The following MAP3K1 variants were observed in gnomAD, a reference collection of about 807,000 sequenced individuals.
MAP3K1 encodes mitogen-activated protein kinase kinase kinase 1.
MAP3K1 carries 36 observed loss-of-function variants against 144.2 expected under a neutral mutation model. The observed-to-expected ratio is 0.25, with a 90% CI of 0.19 to 0.33. The LOEUF (loss-of-function observed/expected upper bound fraction) is 0.33. Ranked by LOEUF, MAP3K1 falls within the 10% of genes least tolerant of loss-of-function variation. MAP3K1 has a pLI of 1.00. For synonymous variants in MAP3K1, 718 were observed against 688.7 expected (o/e 1.04, Z -0.67); for missense variants, 1,650 against 1,881.9 (o/e 0.88, Z 2.28).
chr5:56,890,736 GA>G (rs1418379468), intron 19 of MAP3K1, among the ~76,000 whole-genome samples: 1 of 152,096 alleles, frequency 6.6e-6, no homozygotes, highest in Non-Finnish European at 1.5e-5. Flanking sequence ...ATTAATAAGT[GA>G]AAAGAGCAAG....
chr5:56,826,487 C>G (rs1746318515), intron 1 of MAP3K1, among the ~76,000 whole-genome samples: 1 of 108,024 alleles, frequency 9.3e-6, no homozygotes, highest in African/African-American at 2.7e-5. Context: ...GAGATGTGGT[C>G]TCAGGGAAAA....
At chr5:56,838,984 A>G (rs1746733367) in intron 1 of MAP3K1, among the ~76,000 whole-genome samples, 1 of 152,238 alleles carries the variant, frequency 6.6e-6, no homozygotes, top group East Asian at 1.9e-4. Flanking sequence ...TGAAGAGCAT[A>G]TGACATTGGT....
chr5:56,894,143 C>A lies in MAP3K1; in HGVS notation c.*463C>A. On this transcript the variant is annotated 3_prime_UTR_variant, in exon 20 of 20. Transcript: ENST00000399503. Reference sequence around the variant, plus strand: ...AAATCAGTATCTGCCTCTTTTAGGTCAGAGTATGCTATGAGTAGCAATACA... The same window carrying A: ...AAATCAGTATCTGCCTCTTTTAGGTAAGAGTATGCTATGAGTAGCAATACA... The A allele has an allele frequency of 3.2e-6, 1 of 307,740 alleles. No individual in the cohort carries two copies. Among genetic ancestry groups the A allele is most frequent in the Non-Finnish European group, 6.1e-6 (1 of 162,666 alleles). 19.1% of individuals were successfully genotyped at this position (307,740 alleles called of 1,614,324 possible).
intron 9 of MAP3K1, 80 bp from the exon 10 acceptor site, chr5:56,874,952 C>A (rs1747975349): frequency 2.1e-6 from 3 of 1,456,556 alleles, no homozygotes; most frequent in East Asian, 2.3e-5. Context: ...ACGTAGTAAT[C>A]AAAAATGATG....
chr5:56,845,094 T>A (rs575347617), intron 1 of MAP3K1, among the ~76,000 whole-genome samples: 63 of 152,350 alleles, frequency 4.1e-4, no homozygotes, highest in South Asian at 4.1e-4. Flanking sequence ...TTTTTTAAAA[T>A]AGAAGGTATT....
At chr5:56,820,343 C>T in intron 1 of MAP3K1, 2 of 765,326 alleles carry the variant, frequency 2.6e-6, no homozygotes, top group African/African-American at 1.9e-5. Flanking sequence ...CACTACTCTG[C>T]TTCTTCCATT....
intron 11 of MAP3K1, among the ~76,000 whole-genome samples, chr5:56,879,733 C>T (rs561531642): frequency 6.6e-6 from 1 of 152,148 alleles, no homozygotes; most frequent in African/African-American, 2.4e-5. Context: ...CTTTTATTTT[C>T]CCCTTCCATA....
intron 6 of MAP3K1, among the ~76,000 whole-genome samples, chr5:56,867,682 A>G (rs1366647373): frequency 2.0e-5 from 3 of 152,232 alleles, no homozygotes; most frequent in Admixed American, 1.3e-4. Flanking sequence ...GTAAAGCCGT[A>G]TAGCCTTTTG....
chr5:56,865,692 G>A (rs944689675), intron 5 of MAP3K1, 137 bp from the exon 6 acceptor site: 3 of 887,338 alleles, frequency 3.4e-6, no homozygotes, highest in African/African-American at 1.7e-5. Flanking sequence ...AAACTATAAT[G>A]TGTTCTTATT....
chr5:56,831,184 GTTT>G (rs5868030), intron 1 of MAP3K1, among the ~76,000 whole-genome samples: 288 of 136,320 alleles, frequency 2.1e-3, no homozygotes, highest in South Asian at 4.5e-3. Flanking sequence ...AAAATGTTGG[GTTT>G]TTTTTTTTTT....
chr5:56,823,791 G>T (rs979255875), intron 1 of MAP3K1, among the ~76,000 whole-genome samples: 1 of 152,184 alleles, frequency 6.6e-6, no homozygotes, highest in Non-Finnish European at 1.5e-5. Flanking sequence ...ATGTAGTAGA[G>T]AGCAAATAGC....
chr5:56,844,938 G>A (rs1746944746), intron 1 of MAP3K1, among the ~76,000 whole-genome samples: 1 of 152,102 alleles, frequency 6.6e-6, no homozygotes, highest in Admixed American at 6.5e-5. Context: ...TTTACCAGGT[G>A]GAAGGAAATA....
At chr5:56,831,011 A>G (rs1205952485) in intron 1 of MAP3K1, among the ~76,000 whole-genome samples, 1 of 152,090 alleles carries the variant, frequency 6.6e-6, no homozygotes, top group African/African-American at 2.4e-5. Context: ...TGCGTAAGGA[A>G]TATAATATAT....
intron 11 of MAP3K1, among the ~76,000 whole-genome samples, chr5:56,879,516 A>G (rs990146857): frequency 6.6e-6 from 1 of 152,066 alleles, no homozygotes; most frequent in African/African-American, 2.4e-5. Context: ...TAACAAATCC[A>G]TCTCATTTTC....
rs1383597474 is a variant in MAP3K1, at chr5:56,872,856, T to A, written c.1537T>A (p.Ser513Thr). The change falls in exon 9 of 20, where the codon TCT becomes ACT. Residue 513 changes from serine (S) to threonine (T), a missense_variant. Transcript: ENST00000399503. ...HELSSPVDSPSSLRAAQQQTV... is the reference protein window; with the variant it reads ...HELSSPVDSPTSLRAAQQQTV... ...GTTGTCAAGTCCTGTGGATTCCCCTTCTTCCCTCAGAGCTGCACAGCAGCA... is the reference window on the plus strand; with the variant it reads ...GTTGTCAAGTCCTGTGGATTCCCCTACTTCCCTCAGAGCTGCACAGCAGCA... The A allele has an allele frequency of 6.2e-7, 1 of 1,614,196 alleles. No homozygotes were observed. Among genetic ancestry groups the A allele is most frequent in the Non-Finnish European group, 8.5e-7 (1 of 1,180,026 alleles).
In MAP3K1 at chr5:56,872,869, C is replaced by G; in HGVS notation, c.1550C>G (p.Ala517Gly). 1 of 1,614,162 alleles carries G rather than the reference C, an allele frequency of 6.2e-7. No homozygotes were observed. Among genetic ancestry groups the G allele is most frequent in the Admixed American group, 1.7e-5 (1 of 60,016 alleles). ...SPVDSPSSLR[A>G]AQQQTVQQQP... ...GTGGATTCCCCTTCTTCCCTCAGAG[C>G]TGCACAGCAGCAAACCGTACAGCAG... Residue 517 changes from alanine to glycine, a missense_variant, in exon 9 of 20, where the codon GCT becomes GGT. By Grantham distance (60) the Ala-to-Gly change is moderately conservative. Around this residue, in one of 6 missense-constraint regions of MAP3K1, gnomAD observed 841 missense variants for 886.5 expected, o/e 0.95. Transcript: ENST00000399503.
At chr5:56,889,886 A>G (rs532497152) in intron 19 of MAP3K1, among the ~76,000 whole-genome samples, 1 of 152,206 alleles carries the variant, frequency 6.6e-6, no homozygotes, top group East Asian at 1.9e-4. Flanking sequence ...CACTTATTAT[A>G]TAACCTCCTC....
chr5:56,868,561 T>C (rs1561190984), intron 6 of MAP3K1, among the ~76,000 whole-genome samples: 1 of 152,110 alleles, frequency 6.6e-6, no homozygotes. Context: ...ATTTTTTGTA[T>C]TTTTAGTAGT....
intron 1 of MAP3K1, among the ~76,000 whole-genome samples, chr5:56,843,007 A>G (rs1287741399): frequency 6.6e-6 from 1 of 152,110 alleles, no homozygotes; most frequent in Non-Finnish European, 1.5e-5. Context: ...TCCTAGGAAC[A>G]TATCTTTCAG....
Sources: gnomAD v4.1 joint callset for allele counts (sites outside exome capture counted in the v4.1 genomes callset) on GRCh38, gnomAD v4.1.1 for gene constraint, gnomAD v4.1.1 regional missense constraint, MANE v1.5 for transcripts, NCBI Gene and HGNC (gene_info 2026-07-23, HGNC 2026-07-21) for gene names.